The following GRM5 variants were observed in gnomAD, a reference collection of about 807,000 sequenced individuals.
The protein encoded by GRM5 is metabotropic glutamate receptor 5.
Under a neutral mutation model 83.1 loss-of-function variants are expected in GRM5, and 19 were observed. The ratio of observed to expected loss-of-function variants is 0.23; its 90% CI spans 0.16 to 0.34. GRM5 has a LOEUF of 0.34. GRM5 is among the 10% of genes least tolerant of loss of function. GRM5 has a pLI of 1.00. For missense variants in GRM5, 1,160 were observed against 1,588.3 expected (o/e 0.73, Z 4.58); for synonymous variants, 675 against 633.6 (o/e 1.07, Z -0.98).
intron 4 of GRM5, among the ~76,000 whole-genome samples, chr11:88,607,175 C>T (rs867151104): frequency 6.0e-4 from 91 of 152,112 alleles, no homozygotes; most frequent in Admixed American, 1.8e-3. Flanking sequence ...GACAGTGGTC[C>T]CAGGCTACAC....
At chr11:89,050,128 C>T (rs1941727481) in intron 1 of GRM5, among the ~76,000 whole-genome samples, 1 of 152,024 alleles carries the variant, frequency 6.6e-6, no homozygotes, top group Non-Finnish European at 1.5e-5. Flanking sequence ...TATGAAACCC[C>T]TACATATTGA....
intron 2 of GRM5, among the ~76,000 whole-genome samples, chr11:88,966,090 A>G (rs902859073): frequency 1.3e-5 from 2 of 152,116 alleles, no homozygotes; most frequent in African/African-American, 4.8e-5. Context: ...AAATAATAGA[A>G]ATATATCTGG....
chr11:88,989,834 C>T (rs1175493350), intron 2 of GRM5, among the ~76,000 whole-genome samples: 1 of 151,118 alleles, frequency 6.6e-6, no homozygotes, highest in Non-Finnish European at 1.5e-5. Flanking sequence ...ACACAACATA[C>T]CAGAATCTCT....
At chr11:88,809,842 G>A (rs556019210) in intron 3 of GRM5, among the ~76,000 whole-genome samples, 8 of 151,922 alleles carry the variant, frequency 5.3e-5, no homozygotes, top group African/African-American at 1.7e-4. Context: ...TCAAATATCT[G>A]TTAAATTTGA....
intron 3 of GRM5, among the ~76,000 whole-genome samples, chr11:88,694,819 G>T (rs1461933935): frequency 6.6e-6 from 1 of 152,072 alleles, no homozygotes; most frequent in Admixed American, 6.6e-5. Flanking sequence ...TGATTACATG[G>T]TACTCTCGGG....
At chr11:88,633,378 T>G (rs1939032798) in intron 4 of GRM5, among the ~76,000 whole-genome samples, 1 of 152,172 alleles carries the variant, frequency 6.6e-6, no homozygotes, top group South Asian at 2.1e-4. Context: ...ACACAGTCAT[T>G]TTTTCTTCTA....
intron 4 of GRM5, among the ~76,000 whole-genome samples, chr11:88,617,077 T>C (rs201485670): frequency 6.6e-6 from 1 of 152,356 alleles, no homozygotes; most frequent in East Asian, 1.9e-4. Flanking sequence ...CAAGTCAGTT[T>C]ACCAGACAGA....
chr11:88,512,781 A>C (rs1941413779), intron 9 of GRM5, among the ~76,000 whole-genome samples: 1 of 152,266 alleles, frequency 6.6e-6, no homozygotes, highest in South Asian at 2.1e-4. Context: ...AAGGTGTCTA[A>C]GGATGTTCAG....
chr11:88,953,095 T>C (rs1241563476), intron 2 of GRM5, among the ~76,000 whole-genome samples: 1 of 152,174 alleles, frequency 6.6e-6, no homozygotes, highest in Non-Finnish European at 1.5e-5. Flanking sequence ...TCTGCAAAGA[T>C]AGTGAAATAA....
chr11:88,701,988 C>T (rs1293551741), intron 3 of GRM5, among the ~76,000 whole-genome samples: 2 of 151,826 alleles, frequency 1.3e-5, no homozygotes, highest in Non-Finnish European at 2.9e-5. Context: ...TTAATGCTGG[C>T]CAGTTGTTGT....
intron 2 of GRM5, among the ~76,000 whole-genome samples, chr11:88,991,319 C>T (rs1333490527): frequency 6.6e-6 from 1 of 151,904 alleles, no homozygotes; most frequent in Non-Finnish European, 1.5e-5. Flanking sequence ...TGTGAAGGAC[C>T]TCTTCAAGGA....
At chr11:89,039,708 G>A (rs191349882) in intron 2 of GRM5, among the ~76,000 whole-genome samples, 240 of 152,254 alleles carry the variant, frequency 1.6e-3, no homozygotes, top group African/African-American at 5.6e-3. Context: ...GTAGCAGTCA[G>A]GGCCCTGCTG....
intron 9 of GRM5, among the ~76,000 whole-genome samples, chr11:88,516,280 G>T (rs1264893408): frequency 6.6e-6 from 1 of 152,116 alleles, no homozygotes; most frequent in Non-Finnish European, 1.5e-5. Flanking sequence ...AAAGTAAATG[G>T]CAGGACAGTG....
intron 2 of GRM5, among the ~76,000 whole-genome samples, chr11:88,899,015 C>T (rs1388248656): frequency 3.3e-5 from 5 of 151,742 alleles, no homozygotes; most frequent in East Asian, 1.9e-4. Flanking sequence ...AAGGGATATA[C>T]GTATTTTGCT....
chr11:88,961,945 T>C (rs1326792700), intron 2 of GRM5, among the ~76,000 whole-genome samples: 1 of 152,216 alleles, frequency 6.6e-6, no homozygotes, highest in African/African-American at 2.4e-5. Flanking sequence ...TTACTGTTTA[T>C]GGAGCACATA....
At chr11:88,787,692 A>G (rs1478863642) in intron 3 of GRM5, among the ~76,000 whole-genome samples, 2 of 152,122 alleles carry the variant, frequency 1.3e-5, no homozygotes, top group Admixed American at 1.3e-4. Flanking sequence ...ATTGACTTTA[A>G]GGATAGATCA....
chr11:88,566,814 G>C (rs1018033600), intron 8 of GRM5, among the ~76,000 whole-genome samples: 2 of 151,920 alleles, frequency 1.3e-5, no homozygotes, highest in African/African-American at 4.8e-5. Flanking sequence ...CTCCCCCTAC[G>C]CTGTAACTCT....
At chr11:88,742,678 G>A (rs1407904385) in intron 3 of GRM5, among the ~76,000 whole-genome samples, 1 of 152,076 alleles carries the variant, frequency 6.6e-6, no homozygotes, top group East Asian at 1.9e-4. Context: ...CGACCTCTCT[G>A]GAACACCTAT....
rs527577221 is a variant in GRM5 at position 89,018,334 on chromosome 11, C to T, written c.661+28878G>A. Reference sequence around the variant, plus strand: ...AGCCACTTGTCAGTAATTATGTCATCAGTGATGCAATAATATGTGAAATGT... The same window carrying T: ...AGCCACTTGTCAGTAATTATGTCATTAGTGATGCAATAATATGTGAAATGT... On this transcript the variant is annotated intron_variant, in intron 2 of 9. Transcript: ENST00000305447. 1.6e-3 allele frequency among the ~76,000 whole-genome samples: 249 copies of T among 152,176 alleles called. 1 individual carries two copies. The highest frequency in any genetic ancestry group is 5.6e-3 in the African/African-American group (234 of 41,520).
Sources: allele counts gnomAD v4.1 joint callset (sites outside exome capture counted in the v4.1 genomes callset), GRCh38; gene constraint gnomAD v4.1.1; transcripts MANE v1.5; gene names NCBI Gene and HGNC (gene_info 2026-07-23, HGNC 2026-07-21).